DGKI: variants seen among roughly 807,000 people sequenced by gnomAD.
DGKI encodes the protein diacylglycerol kinase iota, also known as DAG kinase iota.
Under a neutral mutation model 147.5 loss-of-function variants are expected in DGKI, and 55 were observed. That is an observed-to-expected ratio of 0.37 (90% CI 0.30 to 0.47). The LOEUF (loss-of-function observed/expected upper bound fraction) is 0.47, where lower values mean the gene tolerates loss of function less well. DGKI is among the 20% of genes least tolerant of loss of function. The pLI is 1.00. For missense variants in DGKI, 1,007 were observed against 1,323.8 expected (o/e 0.76, Z 3.71); for synonymous variants, 469 against 477.1 (o/e 0.98, Z 0.22).
chr7:137,713,978 A>G (rs1372742511), intron 1 of DGKI, among the ~76,000 whole-genome samples: 2 of 152,160 alleles, frequency 1.3e-5, no homozygotes, highest in Admixed American at 6.5e-5. Context: ...TCTTACCACC[A>G]ATTTTTCAGA....
At chr7:137,702,588 G>A (rs987526248) in intron 1 of DGKI, among the ~76,000 whole-genome samples, 10 of 152,148 alleles carry the variant, frequency 6.6e-5, no homozygotes, top group African/African-American at 2.4e-4. Flanking sequence ...TGATTTTTGT[G>A]GCATTTTAAG....
intron 30 of DGKI, among the ~76,000 whole-genome samples, chr7:137,402,450 G>A (rs906571982): frequency 4.6e-5 from 7 of 152,212 alleles, no homozygotes; most frequent in Non-Finnish European, 8.8e-5. Context: ...AGTGAACATC[G>A]TGTTAAGCAG....
Position 137,768,570 on chromosome 7 carries a change from G to C in DGKI, c.401+77892C>G, listed in dbSNP as rs547272304. ...CAGCTGCTTTAAAACCAAACAAAAAGTAAGCAAAGGGCACATTTCCAGGGG... is the reference window on the plus strand; with the variant it reads ...CAGCTGCTTTAAAACCAAACAAAAACTAAGCAAAGGGCACATTTCCAGGGG... On this transcript the variant is annotated intron_variant, in intron 1 of 32. Transcript: ENST00000614521. Among the ~76,000 whole-genome samples the C allele has an allele frequency of 3.3e-5, 5 of 152,206 alleles. No individual in the cohort carries two copies. In the South Asian group the frequency reaches 1.0e-3, roughly 32 times the overall value.
intron 3 of DGKI, among the ~76,000 whole-genome samples, chr7:137,673,314 T>C (rs762986243): frequency 6.6e-6 from 1 of 152,198 alleles, no homozygotes; most frequent in Non-Finnish European, 1.5e-5. Flanking sequence ...TTTTTGGTCC[T>C]GACACTCTGT....
rs1052021483 is a variant in DGKI at position 137,493,489 on chromosome 7, A to G, written c.2249-5800T>C. 1.9e-4 allele frequency among the ~76,000 whole-genome samples: 29 copies of G among 152,206 alleles called. 1 individual carries two copies. Among genetic ancestry groups the G allele is most frequent in the Admixed American group, 1.8e-3 (27 of 15,284 alleles). ...AACAGGTTCCTAACCCTGAGGAGCC[A>G]GAGATGAAAGCAGGGGGCCCAAAAT... On this transcript the variant is annotated intron_variant, in intron 21 of 32. Coordinates refer to ENST00000614521, the MANE Select transcript of DGKI (RefSeq NM_001321708.2).
At chr7:137,499,231 C>T (rs1005795480) in intron 21 of DGKI, among the ~76,000 whole-genome samples, 4 of 152,126 alleles carry the variant, frequency 2.6e-5, no homozygotes, top group Admixed American at 6.5e-5. Context: ...CCCAGTAGAA[C>T]AGTGAGGGGT....
Position 137,398,579 on chromosome 7 carries a change from C to T in DGKI, c.2921-1166G>A, listed in dbSNP as rs569673391. Among the ~76,000 whole-genome samples, 282 of 152,192 alleles carry T rather than the reference C, an allele frequency of 1.9e-3. 2 individuals carry two copies. Among genetic ancestry groups the T allele is most frequent in the Non-Finnish European group, 3.2e-3 (221 of 68,028 alleles). On this transcript the variant is annotated intron_variant, in intron 30 of 32. Coordinates refer to ENST00000614521, the MANE Select transcript of DGKI (RefSeq NM_001321708.2). ...GGATATCATTATTATTAAAAATTAA[C>T]TTATTGTGCATAGTAAGAAGGGGTG...
chr7:137,815,723 C>T (rs1797717586), intron 1 of DGKI, among the ~76,000 whole-genome samples: 1 of 152,088 alleles, frequency 6.6e-6, no homozygotes, highest in African/African-American at 2.4e-5. Flanking sequence ...TCTCTTATGT[C>T]ACTTAATACA....
chr7:137,676,009 T>G (rs1205118966), intron 3 of DGKI, among the ~76,000 whole-genome samples: 4 of 152,282 alleles, frequency 2.6e-5, no homozygotes, highest in African/African-American at 7.2e-5. Flanking sequence ...CTAAACCAAC[T>G]TGGGCACCCC....
Position 137,487,187 on chromosome 7 carries a change from C to A in DGKI, c.2328+423G>T, listed in dbSNP as rs1044551063. Among the ~76,000 whole-genome samples, 7 of 152,090 alleles carry A rather than the reference C, an allele frequency of 4.6e-5. 1 individual carries two copies. The highest frequency in any genetic ancestry group is 1.7e-4 in the African/African-American group (7 of 41,416). ...TTCCTATGAGATGTAGAGGATTTTT[C>A]TTTCCCATAGAAGTTTTATTTATTT... On this transcript the variant is annotated intron_variant, in intron 22 of 32. Transcript: ENST00000614521.
chr7:137,452,287 C>T (rs1813998636), intron 27 of DGKI, among the ~76,000 whole-genome samples: 1 of 152,172 alleles, frequency 6.6e-6, no homozygotes, highest in South Asian at 2.1e-4. Flanking sequence ...CAGTGGGATT[C>T]CCCAGGACCA....
At chr7:137,651,832 T>C (rs1051553084) in intron 5 of DGKI, among the ~76,000 whole-genome samples, 2 of 152,008 alleles carry the variant, frequency 1.3e-5, no homozygotes, top group African/African-American at 2.4e-5. Flanking sequence ...CCAAAAAGGA[T>C]GGAATATGTA....
At chr7:137,711,471 C>G (rs1437177137) in intron 1 of DGKI, among the ~76,000 whole-genome samples, 1 of 152,054 alleles carries the variant, frequency 6.6e-6, no homozygotes, top group Non-Finnish European at 1.5e-5. Flanking sequence ...CTCAAGAACA[C>G]AGTGGTGACT....
intron 20 of DGKI, among the ~76,000 whole-genome samples, chr7:137,524,669 G>A (rs1313934627): frequency 6.6e-6 from 1 of 152,098 alleles, no homozygotes; most frequent in African/African-American, 2.4e-5. Context: ...AGATAAAAGG[G>A]AAGCTGGAAC....
At chr7:137,671,303 A>C (rs1043083163) in intron 3 of DGKI, among the ~76,000 whole-genome samples, 1 of 152,212 alleles carries the variant, frequency 6.6e-6, no homozygotes, top group African/African-American at 2.4e-5. Flanking sequence ...ACAGCTTGTG[A>C]GATGAGATCA....
intron 27 of DGKI, among the ~76,000 whole-genome samples, chr7:137,454,029 G>A (rs1395716096): frequency 6.6e-6 from 1 of 151,818 alleles, no homozygotes; most frequent in Non-Finnish European, 1.5e-5. Context: ...TATAATTACA[G>A]TTCAGCAGAC....
rs77822432 is a variant in DGKI, at chr7:137,732,734, C to T, written c.402-42732G>A. 7.8e-3 allele frequency among the ~76,000 whole-genome samples: 1,189 copies of T among 152,086 alleles called. 11 individuals carry two copies. The highest frequency in any genetic ancestry group is 0.027 in the African/African-American group (1,131 of 41,510). ...TTCCTTCGGTTTCCTTCCTCCCTTC[C>T]CCCAGCCCGCCTTTTGTATTGTTGT... On this transcript the variant is annotated intron_variant, in intron 1 of 32. Coordinates refer to ENST00000614521, the MANE Select transcript of DGKI (RefSeq NM_001321708.2).
At chr7:137,496,903 C>T (rs1159878744) in intron 21 of DGKI, among the ~76,000 whole-genome samples, 1 of 151,892 alleles carries the variant, frequency 6.6e-6, no homozygotes, top group Non-Finnish European at 1.5e-5. Flanking sequence ...GTTTTCATGA[C>T]AAAGATACCA....
rs537477967 is a variant in DGKI, at chr7:137,415,392, G to A, written c.2762-3185C>T. Among the ~76,000 whole-genome samples, 30 of 152,240 alleles carry A rather than the reference G, an allele frequency of 2.0e-4. No homozygotes were observed. In the South Asian group the frequency reaches 3.9e-3, roughly 20 times the overall value. On this transcript the variant is annotated intron_variant, in intron 28 of 32. Transcript: ENST00000614521. Reference sequence around the variant, plus strand: ...AATCTAAAGACGACTTGAAGTGTACGGGAGGATGTGCAAAGGCTATATGCA... The same window carrying A: ...AATCTAAAGACGACTTGAAGTGTACAGGAGGATGTGCAAAGGCTATATGCA...
Sources: gnomAD v4.1 joint callset for allele counts (sites outside exome capture counted in the v4.1 genomes callset) on GRCh38, gnomAD v4.1.1 for gene constraint, MANE v1.5 for transcripts, NCBI Gene and HGNC (gene_info 2026-07-23, HGNC 2026-07-21) for gene names.